The following HS6ST3 variants were observed in gnomAD, a reference collection of about 807,000 sequenced individuals.
The protein encoded by HS6ST3 is heparan sulfate 6-O-sulfotransferase 3, also known as heparan-sulfate 6-O-sulfotransferase 3.
Under a neutral mutation model 36.7 loss-of-function variants are expected in HS6ST3, and 12 were observed. The ratio of observed to expected loss-of-function variants is 0.33; its 90% CI spans 0.21 to 0.53. HS6ST3 has a LOEUF of 0.53. Among genes scored for constraint, HS6ST3 ranks in the 20% least tolerant of loss-of-function variants. The pLI is 0.95. For missense variants in HS6ST3, 584 were observed against 640.9 expected (o/e 0.91, Z 0.96); for synonymous variants, 240 against 257.5 (o/e 0.93, Z 0.65).
intron 1 of HS6ST3, among the ~76,000 whole-genome samples, chr13:96,711,058 G>A (rs1478796992): frequency 6.6e-6 from 1 of 152,142 alleles, no homozygotes; most frequent in Non-Finnish European, 1.5e-5. Flanking sequence ...TGTCCCTTTT[G>A]TACTACATCT....
At chr13:96,672,679 A>T (rs2056686452) in intron 1 of HS6ST3, among the ~76,000 whole-genome samples, 1 of 152,142 alleles carries the variant, frequency 6.6e-6, no homozygotes, top group South Asian at 2.1e-4. Flanking sequence ...GAAAGAGGGC[A>T]TGGGGGATAA....
intron 1 of HS6ST3, among the ~76,000 whole-genome samples, chr13:96,656,708 A>G (rs893306553): frequency 5.9e-5 from 9 of 152,154 alleles, no homozygotes; most frequent in South Asian, 4.1e-4. Context: ...AAACGATGGC[A>G]TAGGAATCCT....
At chr13:96,259,781 T>A (rs1402763542) in intron 1 of HS6ST3, among the ~76,000 whole-genome samples, 1 of 152,192 alleles carries the variant, frequency 6.6e-6, no homozygotes, top group African/African-American at 2.4e-5. Flanking sequence ...GTTGTTTAAC[T>A]GGAAAACAAA....
chr13:96,189,365 A>G (rs1172756780), intron 1 of HS6ST3, among the ~76,000 whole-genome samples: 2 of 152,126 alleles, frequency 1.3e-5, no homozygotes, highest in African/African-American at 2.4e-5. Flanking sequence ...TAATGAATCT[A>G]AGTTCCTGTG....
intron 1 of HS6ST3, among the ~76,000 whole-genome samples, chr13:96,457,403 A>T (rs2055759434): frequency 6.6e-6 from 1 of 152,138 alleles, no homozygotes; most frequent in Non-Finnish European, 1.5e-5. Context: ...AAAGAGAAAA[A>T]TTGTTATTTG....
At chr13:96,422,828 C>T (rs573039847) in intron 1 of HS6ST3, among the ~76,000 whole-genome samples, 1 of 152,264 alleles carries the variant, frequency 6.6e-6, no homozygotes, top group African/African-American at 2.4e-5. Flanking sequence ...ATAGATTCTC[C>T]CATTTATCTT....
intron 1 of HS6ST3, among the ~76,000 whole-genome samples, chr13:96,295,493 C>T (rs1348768684): frequency 1.3e-5 from 2 of 151,938 alleles, no homozygotes; most frequent in African/African-American, 4.8e-5. Flanking sequence ...GAGGGTTCTC[C>T]CCACTGAGCA....
chr13:96,656,608 C>T (rs911848235), intron 1 of HS6ST3, among the ~76,000 whole-genome samples: 2 of 152,080 alleles, frequency 1.3e-5, no homozygotes, highest in African/African-American at 4.8e-5. Context: ...AGGCTTTGGG[C>T]TCAAGGTCAG....
At chr13:96,532,242 G>A (rs888930431) in intron 1 of HS6ST3, among the ~76,000 whole-genome samples, 1 of 152,178 alleles carries the variant, frequency 6.6e-6, no homozygotes, top group Non-Finnish European at 1.5e-5. Context: ...TAAAAAGAGA[G>A]AAACATTGTT....
chr13:96,159,451 C>T (rs1306142282), intron 1 of HS6ST3, among the ~76,000 whole-genome samples: 5 of 152,174 alleles, frequency 3.3e-5, no homozygotes, highest in Non-Finnish European at 5.9e-5. Context: ...ATAGCTGTCA[C>T]ACATGCCAAT....
At chr13:96,437,249 C>T (rs566622238) in intron 1 of HS6ST3, among the ~76,000 whole-genome samples, 3 of 152,328 alleles carry the variant, frequency 2.0e-5, no homozygotes, top group South Asian at 2.1e-4. Flanking sequence ...TGTTAATTTT[C>T]TCTCCTTCCA....
At chr13:96,110,368 C>G (rs577760280) in intron 1 of HS6ST3, among the ~76,000 whole-genome samples, 1 of 151,764 alleles carries the variant, frequency 6.6e-6, no homozygotes, top group South Asian at 2.1e-4. Context: ...CCCCATGACC[C>G]AAACACCCCC....
chr13:96,304,702 TCTTTCTTTC>T (rs1308747325), intron 1 of HS6ST3, among the ~76,000 whole-genome samples: 25 of 97,578 alleles, frequency 2.6e-4, no homozygotes, highest in South Asian at 1.5e-3. Flanking sequence ...TTTCTTTCTT[TCTTTCTTTC>T]TTTTTTTTTT....
intron 1 of HS6ST3, among the ~76,000 whole-genome samples, chr13:96,370,973 T>C (rs1196053363): frequency 1.3e-5 from 2 of 152,204 alleles, no homozygotes; most frequent in African/African-American, 4.8e-5. Context: ...ACAATATATT[T>C]TTTGGTTTTG....
At chr13:96,678,604 G>T (rs1656879432) in intron 1 of HS6ST3, among the ~76,000 whole-genome samples, 1 of 151,932 alleles carries the variant, frequency 6.6e-6, no homozygotes, top group Admixed American at 6.6e-5. Context: ...AATCCAGGAG[G>T]CAGAGGCTGC....
intron 1 of HS6ST3, among the ~76,000 whole-genome samples, chr13:96,645,790 A>G (rs187282889): frequency 1.3e-5 from 2 of 152,036 alleles, no homozygotes; most frequent in Admixed American, 1.3e-4. Flanking sequence ...AACTCTGTTT[A>G]TCAGCTTAAA....
At chr13:96,674,313 G>C (rs755652059) in intron 1 of HS6ST3, among the ~76,000 whole-genome samples, 1 of 152,118 alleles carries the variant, frequency 6.6e-6, no homozygotes, top group African/African-American at 2.4e-5. Flanking sequence ...TGTACAGCCT[G>C]TGGAACCGTG....
intron 1 of HS6ST3, among the ~76,000 whole-genome samples, chr13:96,327,451 G>A (rs1245816311): frequency 6.6e-6 from 1 of 151,878 alleles, no homozygotes; most frequent in East Asian, 1.9e-4. Flanking sequence ...TTTCCCCATT[G>A]CTTGTTTTTC....
At chr13:96,713,375 C>A (rs942830636) in intron 1 of HS6ST3, among the ~76,000 whole-genome samples, 2 of 152,088 alleles carry the variant, frequency 1.3e-5, no homozygotes, top group Admixed American at 6.6e-5. Context: ...TCTTTGGAAC[C>A]ATTACCATTT....
Sources: gnomAD v4.1 joint callset for allele counts (sites outside exome capture counted in the v4.1 genomes callset) on GRCh38, gnomAD v4.1.1 for gene constraint, MANE v1.5 for transcripts, NCBI Gene and HGNC (gene_info 2026-07-23, HGNC 2026-07-21) for gene names.